OR14I1: variants seen among roughly 807,000 people sequenced by gnomAD.
The protein encoded by OR14I1 is olfactory receptor family 14 subfamily I member 1, also known as olfactory receptor 14I1.
For missense variants in OR14I1, 279 were observed against 181.8 expected (o/e 1.53, Z -3.07); for synonymous variants, 118 against 71.1 (o/e 1.66, Z -3.32).
At chr1:248,685,484 T>C (rs1276044586), upstream of OR14I1, among the ~76,000 whole-genome samples, 2 of 152,132 alleles carry the variant, frequency 1.3e-5, no homozygotes, top group Non-Finnish European at 2.9e-5. Flanking sequence ...TACAGGAGTA[T>C]ACTATCTCCC....
chr1:248,693,731 T>A, the OR14I1 span, among the ~76,000 whole-genome samples: 2 of 150,764 alleles, frequency 1.3e-5, no homozygotes, highest in African/African-American at 2.4e-5. Context: ...TCTTATCTCC[T>A]CTAGAGCCCA....
the OR14I1 span, among the ~76,000 whole-genome samples, chr1:248,696,466 G>A: frequency 2.4e-4 from 36 of 152,114 alleles, no homozygotes; most frequent in African/African-American, 7.2e-4. Flanking sequence ...GAATGGAAGC[G>A]GGGAATCAGT....
chr1:248,686,216 C>A (rs532282180), upstream of OR14I1, among the ~76,000 whole-genome samples: 1 of 151,996 alleles, frequency 6.6e-6, no homozygotes, highest in Non-Finnish European at 1.5e-5. Context: ...TAAAAGAGAC[C>A]TGAATTCTTG....
chr1:248,699,304 G>C, the OR14I1 span, among the ~76,000 whole-genome samples: 1 of 152,332 alleles, frequency 6.6e-6, no homozygotes, highest in South Asian at 2.1e-4. Flanking sequence ...TTAAAATGCT[G>C]AGAAAGCAAT....
chr1:248,694,537 A>T, the OR14I1 span, among the ~76,000 whole-genome samples: 1 of 152,058 alleles, frequency 6.6e-6, no homozygotes, highest in East Asian at 1.9e-4. Flanking sequence ...AATGCTCTAC[A>T]TCTTGTTTTT....
chr1:248,696,465 CGGGG>C, the OR14I1 span, among the ~76,000 whole-genome samples: 30 of 152,276 alleles, frequency 2.0e-4, no homozygotes, highest in Non-Finnish European at 4.1e-4. Flanking sequence ...TGAATGGAAG[CGGGG>C]AATCAGTCGA....
chr1:248,681,705 C>T (rs1182855157), exon 1 of OR14I1: 1 of 780,948 alleles, frequency 1.3e-6, no homozygotes. Context: ...AGCATGAGCT[C>T]AGGGCCAGGG....
chr1:248,693,615 ATTTT>A, the OR14I1 span, among the ~76,000 whole-genome samples: 1 of 152,026 alleles, frequency 6.6e-6, no homozygotes, highest in Non-Finnish European at 1.5e-5. Flanking sequence ...TGTTTTATTT[ATTTT>A]GAGGACAGGC....
exon 1 of OR14I1, chr1:248,681,748 A>T: frequency 1.3e-6 from 1 of 781,124 alleles, no homozygotes; most frequent in Non-Finnish European, 2.4e-6. Flanking sequence ...CTCACAGGAA[A>T]CCAGGGCCAA....
the OR14I1 span, among the ~76,000 whole-genome samples, chr1:248,687,637 G>T: frequency 6.6e-6 from 1 of 152,170 alleles, no homozygotes; most frequent in Admixed American, 6.5e-5. Flanking sequence ...GACTTTATTT[G>T]ATCAAAGAAT....
the OR14I1 span, among the ~76,000 whole-genome samples, chr1:248,689,409 C>T: frequency 2.0e-5 from 3 of 152,186 alleles, no homozygotes; most frequent in Non-Finnish European, 2.9e-5. Flanking sequence ...CTACTGGACC[C>T]AGTCTGGTTT....
At chr1:248,681,887 A>G in exon 1 of OR14I1, 1 of 781,052 alleles carries the variant, frequency 1.3e-6, no homozygotes, top group Non-Finnish European at 2.4e-6. Flanking sequence ...GCCATCTGAT[A>G]GCACCCTCCT....
At chr1:248,692,843 G>C in the OR14I1 span, 1 of 152,218 alleles carries the variant, frequency 6.6e-6, no homozygotes, top group Non-Finnish European at 1.5e-5. Flanking sequence ...AGCTAGTAAA[G>C]GGCTGACACA....
chr1:248,682,568 C>G (rs938705183), upstream of OR14I1, among the ~76,000 whole-genome samples: 6 of 152,272 alleles, frequency 3.9e-5, no homozygotes, highest in African/African-American at 1.4e-4. Flanking sequence ...TTATATGGAA[C>G]TTCTCAATCT....
upstream of OR14I1, among the ~76,000 whole-genome samples, chr1:248,686,954 A>G (rs923393682): frequency 6.6e-6 from 1 of 152,228 alleles, no homozygotes; most frequent in Non-Finnish European, 1.5e-5. Context: ...TTAGTTTCCC[A>G]TAGAGACTGG....
At chr1:248,679,320 T>A (rs1345053353), downstream of OR14I1, among the ~76,000 whole-genome samples, 1 of 151,960 alleles carries the variant, frequency 6.6e-6, no homozygotes, top group East Asian at 1.9e-4. Flanking sequence ...GTGGGGAGTG[T>A]GTGCTGATTG....
At chr1:248,683,699 T>C (rs1342330889), upstream of OR14I1, among the ~76,000 whole-genome samples, 3 of 152,276 alleles carry the variant, frequency 2.0e-5, no homozygotes, top group African/African-American at 7.2e-5. Flanking sequence ...ACAGTCACTT[T>C]GAAGCATTTC....
chr1:248,678,773 TA>T (rs1184906396), downstream of OR14I1, among the ~76,000 whole-genome samples: 1 of 152,132 alleles, frequency 6.6e-6, no homozygotes, highest in Non-Finnish European at 1.5e-5. Context: ...AAGGAACTAT[TA>T]TATTTAAAGC....
chr1:248,690,456 T>C, the OR14I1 span, among the ~76,000 whole-genome samples: 1 of 151,734 alleles, frequency 6.6e-6, no homozygotes, highest in Non-Finnish European at 1.5e-5. Context: ...AACATCTCTA[T>C]GAAAATAAAC....
Sources: gnomAD v4.1 joint callset for allele counts (sites outside exome capture counted in the v4.1 genomes callset) on GRCh38, gnomAD v4.1.1 for gene constraint, MANE v1.5 for transcripts, NCBI Gene and HGNC (gene_info 2026-07-23, HGNC 2026-07-21) for gene names.